CERT1: variants seen among roughly 807,000 people sequenced by gnomAD.
CERT1 encodes the protein ceramide transporter 1.
A neutral mutation model predicts 87.9 loss-of-function variants in CERT1; 31 were observed. The ratio of observed to expected loss-of-function variants is 0.35; its 90% CI spans 0.27 to 0.48. CERT1 has a LOEUF of 0.48. Among genes scored for constraint, CERT1 ranks in the 20% least tolerant of loss-of-function variants. CERT1 has a pLI of 0.99. For synonymous variants in CERT1, 289 were observed against 250.9 expected (o/e 1.15, Z -1.44); for missense variants, 487 against 758.0 (o/e 0.64, Z 4.20).
intron 3 of CERT1, among the ~76,000 whole-genome samples, chr5:75,457,378 A>G (rs190663545): frequency 6.6e-6 from 1 of 152,344 alleles, no homozygotes; most frequent in East Asian, 1.9e-4. Flanking sequence ...AGGTTAATTA[A>G]CACAGCCAAG....
intron 11 of CERT1, among the ~76,000 whole-genome samples, chr5:75,394,895 C>T (rs955321691): frequency 6.6e-6 from 1 of 152,118 alleles, no homozygotes; most frequent in Non-Finnish European, 1.5e-5. Context: ...TAAGTACATA[C>T]ACCTTAATAT....
chr5:75,458,138 TTC>T (rs1224211730), intron 3 of CERT1, among the ~76,000 whole-genome samples: 7 of 152,298 alleles, frequency 4.6e-5, no homozygotes, highest in Admixed American at 3.3e-4. Context: ...ATTTAGAACG[TTC>T]TCTGTTTTAT....
intron 3 of CERT1, among the ~76,000 whole-genome samples, chr5:75,454,814 A>G (rs1489813413): frequency 6.6e-6 from 1 of 152,222 alleles, no homozygotes; most frequent in East Asian, 1.9e-4. Flanking sequence ...TCATGAGCTG[A>G]GTGAAAATTT....
chr5:75,376,828 G>A (rs574452932), downstream of CERT1: 1 of 152,312 alleles, frequency 6.6e-6, no homozygotes, highest in East Asian at 1.9e-4. Flanking sequence ...TGGGATATTA[G>A]TTAGTATCGG....
intron 2 of CERT1, among the ~76,000 whole-genome samples, chr5:75,484,462 T>TAAA (rs879290541): frequency 1.5e-5 from 2 of 137,404 alleles, no homozygotes; most frequent in African/African-American, 2.7e-5. Context: ...CTGAATGGAT[T>TAAA]AAAAAAAAAA....
chr5:75,368,562 T>C (rs933931209), exon 18 of CERT1: 16 of 152,232 alleles, frequency 1.1e-4, no homozygotes, highest in African/African-American at 3.6e-4. Flanking sequence ...GTGATAGTTA[T>C]ATTGCAGCTC....
intron 3 of CERT1, among the ~76,000 whole-genome samples, chr5:75,427,646 G>A (rs1455927289): frequency 6.6e-6 from 1 of 152,050 alleles, no homozygotes; most frequent in Non-Finnish European, 1.5e-5. Context: ...GAAAAACCAA[G>A]GCATCTGTAT....
chr5:75,462,277 G>A (rs1044595879), intron 2 of CERT1, among the ~76,000 whole-genome samples: 32 of 152,128 alleles, frequency 2.1e-4, no homozygotes, highest in South Asian at 6.2e-4. Context: ...ACCAGGGATC[G>A]GTTTCATGGA....
intron 2 of CERT1, among the ~76,000 whole-genome samples, chr5:75,476,905 G>A (rs1356851175): frequency 2.0e-5 from 3 of 151,958 alleles, no homozygotes; most frequent in South Asian, 2.1e-4. Context: ...TTTGTACTCC[G>A]AGATGGGGGA....
In CERT1 at chr5:75,396,004, G is replaced by A. The variant is rs185509263; in HGVS notation, c.1188+3306C>T. ...TGCCCATCAGACAGATTCATGTGTT[G>A]GTACTAATTTCCTAGTAGATGTACA... On this transcript the variant is annotated intron_variant, in intron 11 of 16. Transcript: ENST00000643780. Among the ~76,000 whole-genome samples the A allele has an allele frequency of 1.8e-3, 275 of 152,258 alleles. 4 individuals carry two copies. In the South Asian group the frequency reaches 0.023, roughly 13 times the overall value.
chr5:75,389,516 T>C, intron 12 of CERT1, 76 bp downstream of exon 12: 2 of 1,067,058 alleles, frequency 1.9e-6, no homozygotes, highest in Non-Finnish European at 2.9e-6. Context: ...GCTATCCTTA[T>C]TCATATCAAT....
At chr5:75,434,185 G>GTT (rs1561260698) in intron 3 of CERT1, among the ~76,000 whole-genome samples, 12 of 141,086 alleles carry the variant, frequency 8.5e-5, no homozygotes, top group African/African-American at 3.3e-4. Flanking sequence ...AGTTTGTTGA[G>GTT]GTTTTTTTTT....
At chr5:75,445,494 T>C (rs1764498731) in intron 3 of CERT1, among the ~76,000 whole-genome samples, 1 of 152,166 alleles carries the variant, frequency 6.6e-6, no homozygotes, top group African/African-American at 2.4e-5. Flanking sequence ...GAAAAACTAA[T>C]TTTTTCTTTC....
At chr5:75,408,197 A>G (rs1203705472) in intron 8 of CERT1, among the ~76,000 whole-genome samples, 2 of 152,218 alleles carry the variant, frequency 1.3e-5, no homozygotes, top group African/African-American at 4.8e-5. Flanking sequence ...GTGATATAGT[A>G]GGAGACACGA....
In CERT1 at chr5:75,456,665, A is replaced by T. The variant is rs961514920; in HGVS notation, c.348+2400T>A. 1.4e-4 allele frequency among the ~76,000 whole-genome samples: 6 copies of T among 44,442 alleles called. No homozygotes were observed. The African/African-American group carries it at 2.4e-3, about 18-fold the overall frequency. 29.2% of individuals were successfully genotyped at this position (44,442 alleles called of 152,430 possible). On this transcript the variant is annotated intron_variant, in intron 3 of 16. Transcript: ENST00000643780. ...TGGGTGACAAAGTGACCTCATCTCA[A>T]AAAAAAAAAAAAAAAAAAAAAGAAA... is the stretch of plus-strand genomic sequence containing the variant.
At chr5:75,510,965 C>G in intron 1 of CERT1, 147 bp downstream of exon 1, 1 of 1,144,228 alleles carries the variant, frequency 8.7e-7, no homozygotes. Context: ...CCTATATCCC[C>G]GCCTCATCCC....
In CERT1 at chr5:75,420,629, C is replaced by G. The variant is rs184709881; in HGVS notation, c.596-1205G>C. On this transcript the variant is annotated intron_variant, in intron 5 of 16. Coordinates refer to ENST00000643780, the MANE Select transcript of CERT1 (RefSeq NM_001379029.1). Reference sequence around the variant, plus strand: ...AGGCTGTATCTGTATCCAGGCATCCCTTTTCTCTAATTCCAGACAAAAACA... The same window carrying G: ...AGGCTGTATCTGTATCCAGGCATCCGTTTTCTCTAATTCCAGACAAAAACA... 4.6e-5 allele frequency among the ~76,000 whole-genome samples: 7 copies of G among 152,262 alleles called. No individual in the cohort carries two copies. The East Asian group carries it at 1.2e-3, about 25-fold the overall frequency.
At chr5:75,401,784 G>C (rs1286080914) in intron 9 of CERT1, 3 of 152,188 alleles carry the variant, frequency 2.0e-5, no homozygotes, top group Non-Finnish European at 4.4e-5. Flanking sequence ...AGACCAATAA[G>C]AGCATAATAG....
intron 2 of CERT1, among the ~76,000 whole-genome samples, chr5:75,481,028 T>A (rs1398336226): frequency 6.6e-6 from 1 of 152,176 alleles, no homozygotes; most frequent in Non-Finnish European, 1.5e-5. Flanking sequence ...ACGGATCAAA[T>A]CACTCCTCTG....
Sources: allele counts gnomAD v4.1 joint callset (sites outside exome capture counted in the v4.1 genomes callset), GRCh38; gene constraint gnomAD v4.1.1; transcripts MANE v1.5; gene names NCBI Gene and HGNC (gene_info 2026-07-23, HGNC 2026-07-21).